The following PDGFRL variants were observed in gnomAD, a reference collection of about 807,000 sequenced individuals.
PDGFRL encodes platelet derived growth factor receptor like, also known as platelet-derived growth factor receptor-like protein.
A neutral mutation model predicts 37.2 loss-of-function variants in PDGFRL; 46 were observed. The ratio of observed to expected loss-of-function variants is 1.24; its 90% CI spans 0.98 to 1.58. PDGFRL has a LOEUF of 1.58. Among genes scored for constraint, PDGFRL ranks in the 40% most tolerant of loss-of-function variants. The pLI, the probability that PDGFRL is intolerant of heterozygous loss-of-function variation, is 0.00. For synonymous variants in PDGFRL, 251 were observed against 184.3 expected (o/e 1.36, Z -2.93); for missense variants, 692 against 467.6 (o/e 1.48, Z -4.43).
chr8:17,621,881 C>T (rs1019635652), intron 3 of PDGFRL, among the ~76,000 whole-genome samples: 1 of 152,052 alleles, frequency 6.6e-6, no homozygotes, highest in East Asian at 1.9e-4. Context: ...CTGTGTTGCC[C>T]AGGCTGGTCT....
At position 17,632,953 on chromosome 8, in the gene PDGFRL, A is replaced by T. The variant is rs116126416; in HGVS notation, c.800-1121A>T. Among the ~76,000 whole-genome samples, 987 of 152,148 alleles carry T rather than the reference A, an allele frequency of 6.5e-3. 9 individuals are homozygous for T. The highest frequency in any genetic ancestry group is 0.022 in the African/African-American group (913 of 41,504). On this transcript the variant is annotated intron_variant, in intron 4 of 5. Coordinates refer to ENST00000251630, the MANE Select transcript of PDGFRL (RefSeq NM_001372073.1). ...CCCTTCCTGGCTCTCAGACTGTTCT[A>T]TTCTGGCCTTTTGGAGTACTCTGGG...
At chr8:17,636,470 T>G (rs1804971332) in intron 5 of PDGFRL, among the ~76,000 whole-genome samples, 1 of 152,198 alleles carries the variant, frequency 6.6e-6, no homozygotes, top group African/African-American at 2.4e-5. Flanking sequence ...CACTGGTCTA[T>G]GTGCTATTTT....
At chr8:17,612,531 C>T (rs374456949) in intron 2 of PDGFRL, among the ~76,000 whole-genome samples, 14 of 152,142 alleles carry the variant, frequency 9.2e-5, no homozygotes, top group South Asian at 6.2e-4. Flanking sequence ...CCACCATACC[C>T]GGGTAATTTT....
At chr8:17,622,257 CAGTA>C (rs1804649681) in intron 3 of PDGFRL, among the ~76,000 whole-genome samples, 1 of 152,228 alleles carries the variant, frequency 6.6e-6, no homozygotes, top group Non-Finnish European at 1.5e-5. Context: ...GTTCAGAAGT[CAGTA>C]AGAGCTTTCA....
chr8:17,630,813 A>G (rs1804846308), intron 4 of PDGFRL, among the ~76,000 whole-genome samples: 1 of 150,358 alleles, frequency 6.7e-6, no homozygotes, highest in South Asian at 2.1e-4. Flanking sequence ...ATAGGGACTC[A>G]CCTGTCACAA....
intron 3 of PDGFRL, among the ~76,000 whole-genome samples, chr8:17,621,955 G>A (rs1319626696): frequency 6.6e-6 from 1 of 152,162 alleles, no homozygotes; most frequent in Non-Finnish European, 1.5e-5. Flanking sequence ...TTACAGGCAT[G>A]AGCCATTCTG....
intron 2 of PDGFRL, among the ~76,000 whole-genome samples, chr8:17,590,313 C>A (rs2150813312): frequency 6.9e-6 from 1 of 145,726 alleles, no homozygotes; most frequent in Non-Finnish European, 1.5e-5. Context: ...AACCATGTGA[C>A]AAAACCATAT....
chr8:17,580,169 C>G (rs2517267), intron 1 of PDGFRL, among the ~76,000 whole-genome samples: 54,126 of 151,932 alleles, frequency 0.36, 10,830 homozygotes, highest in East Asian at 0.56. Flanking sequence ...TATTTTGCAT[C>G]TGGTGAAAGG....
chr8:17,625,892 G>C (rs1462016607), intron 3 of PDGFRL, among the ~76,000 whole-genome samples: 1 of 152,174 alleles, frequency 6.6e-6, no homozygotes, highest in Non-Finnish European at 1.5e-5. Context: ...CTACTCAGGA[G>C]GCTGAGGTGG....
intron 5 of PDGFRL, among the ~76,000 whole-genome samples, chr8:17,640,285 G>A (rs1805064219): frequency 6.6e-6 from 1 of 152,146 alleles, no homozygotes. Context: ...TGGCAATTCA[G>A]GGATTTCTTT....
chr8:17,593,836 C>A (rs567844906), intron 2 of PDGFRL, among the ~76,000 whole-genome samples: 1 of 149,960 alleles, frequency 6.7e-6, no homozygotes. Flanking sequence ...TGTGGTGAGC[C>A]GAGATCGTGC....
intron 2 of PDGFRL, among the ~76,000 whole-genome samples, chr8:17,605,932 C>T (rs892785724): frequency 1.3e-5 from 2 of 152,102 alleles, no homozygotes; most frequent in Non-Finnish European, 2.9e-5. Flanking sequence ...CATTTGGCCA[C>T]GGTTGGCAAC....
chr8:17,598,804 C>T (rs369765781), intron 2 of PDGFRL, among the ~76,000 whole-genome samples: 1 of 152,106 alleles, frequency 6.6e-6, no homozygotes, highest in South Asian at 2.1e-4. Context: ...CCATACTGTT[C>T]TCATGGTAGT....
chr8:17,606,133 C>A lies in PDGFRL; in HGVS notation c.354-14918C>A, dbSNP rs1159982629. On this transcript the variant is annotated intron_variant, in intron 2 of 5. Coordinates refer to ENST00000251630, the MANE Select transcript of PDGFRL (RefSeq NM_001372073.1). ...ACCATTGAGAAAGAATCTGCACAGA[C>A]TTTGGTAAATGTTGTGGAGAGTACT... Among the ~76,000 whole-genome samples the A allele has an allele frequency of 2.0e-5, 3 of 152,128 alleles. No homozygotes were observed. In the East Asian group the frequency reaches 5.8e-4, roughly 29 times the overall value.
intron 5 of PDGFRL, among the ~76,000 whole-genome samples, chr8:17,635,201 C>T (rs773130732): frequency 1.1e-4 from 16 of 152,036 alleles, no homozygotes; most frequent in Non-Finnish European, 2.1e-4. Context: ...GAATAAGTTC[C>T]TTAGATGATT....
At position 17,638,783 on chromosome 8, in the gene PDGFRL, AT is replaced by A. The variant is rs1563532546; in HGVS notation, c.940-3829del. 6.9e-4 allele frequency among the ~76,000 whole-genome samples: 69 copies of A among 100,218 alleles called. 1 individual carries two copies. Among genetic ancestry groups the A allele is most frequent in the Middle Eastern group, 5.9e-3 (1 of 170 alleles). 65.7% of individuals were successfully genotyped at this position (100,218 alleles called of 152,430 possible). A position where few individuals can be genotyped will look rare whatever the true frequency, so the allele number is the denominator to read the frequency against. On this transcript the variant is annotated intron_variant, in intron 5 of 5. Coordinates refer to ENST00000251630, the MANE Select transcript of PDGFRL (RefSeq NM_001372073.1). ...TATATATATATATATATATATATAT[AT>A]ATAATTGTGATATTTTCCTGTTGGG...
At chr8:17,637,481 T>A (rs1034715557) in intron 5 of PDGFRL, among the ~76,000 whole-genome samples, 5 of 152,346 alleles carry the variant, frequency 3.3e-5, no homozygotes, top group African/African-American at 4.8e-5. Flanking sequence ...TAGTATTTTG[T>A]TAAGGATTTT....
rs946812395 is a variant in PDGFRL, at chr8:17,596,407, A to G, written c.353+6642A>G. On this transcript the variant is annotated intron_variant, in intron 2 of 5. Transcript: ENST00000251630. The stretch of plus-strand genomic sequence containing the variant: ...TACCACGTACATTTTAAACGACCTT[A>G]TTCACCAAAGTCAGATTCATGCACT... 3 of 794,566 alleles carry G rather than the reference A, an allele frequency of 3.8e-6. No homozygotes were observed. In the South Asian group the frequency reaches 2.0e-4, roughly 53 times the overall value. 49.2% of individuals were successfully genotyped at this position (794,566 alleles called of 1,614,324 possible).
intron 2 of PDGFRL, among the ~76,000 whole-genome samples, chr8:17,597,042 G>A (rs564189412): frequency 0.011 from 1,599 of 152,056 alleles, 21 homozygotes; most frequent in African/African-American, 0.036. Flanking sequence ...TTGTTTTTTG[G>A]CAAAGTCTTG....
Sources: allele counts gnomAD v4.1 joint callset (sites outside exome capture counted in the v4.1 genomes callset), GRCh38; gene constraint gnomAD v4.1.1; transcripts MANE v1.5; gene names NCBI Gene and HGNC (gene_info 2026-07-23, HGNC 2026-07-21).